TSHZ2: variants seen among roughly 807,000 people sequenced by gnomAD.
TSHZ2 encodes teashirt homolog 2.
A neutral mutation model predicts 74.4 loss-of-function variants in TSHZ2; 21 were observed. That is an observed-to-expected ratio of 0.28 (90% confidence interval 0.20 to 0.41). The LOEUF is 0.41. TSHZ2 is among the 10% of genes least tolerant of loss of function. TSHZ2 has a pLI of 1.00. For missense variants in TSHZ2, 1,244 were observed against 1,293.5 expected (o/e 0.96, Z 0.59); for synonymous variants, 540 against 515.3 (o/e 1.05, Z -0.65).
At chr20:53,426,459 TTC>T (rs1233016519) in intron 2 of TSHZ2, among the ~76,000 whole-genome samples, 3 of 152,238 alleles carry the variant, frequency 2.0e-5, no homozygotes, top group African/African-American at 7.2e-5. Context: ...CTTCCTCTTC[TTC>T]TTTTTTTAAG....
intron 1 of TSHZ2, among the ~76,000 whole-genome samples, chr20:53,232,263 G>C (rs1021126608): frequency 2.0e-5 from 3 of 152,120 alleles, no homozygotes; most frequent in Non-Finnish European, 2.9e-5. Flanking sequence ...CAGAGCATTG[G>C]AATTCTCCAT....
chr20:53,116,247 T>C (rs1986662184), intron 1 of TSHZ2, among the ~76,000 whole-genome samples: 1 of 151,718 alleles, frequency 6.6e-6, no homozygotes, highest in Non-Finnish European at 1.5e-5. Context: ...GAAAAAGGAA[T>C]GCACATTTAA....
intron 1 of TSHZ2, among the ~76,000 whole-genome samples, chr20:53,246,918 G>A (rs1990220295): frequency 6.6e-6 from 1 of 152,190 alleles, no homozygotes; most frequent in Non-Finnish European, 1.5e-5. Flanking sequence ...TACATGTAAA[G>A]CATTCCAATT....
At chr20:53,114,353 C>A (rs1986613753) in intron 1 of TSHZ2, among the ~76,000 whole-genome samples, 1 of 152,138 alleles carries the variant, frequency 6.6e-6, no homozygotes, top group Non-Finnish European at 1.5e-5. Flanking sequence ...GCCTAACTAG[C>A]TGCTGAATCT....
intron 1 of TSHZ2, among the ~76,000 whole-genome samples, chr20:53,085,034 G>C (rs1254596373): frequency 1.3e-5 from 2 of 152,024 alleles, no homozygotes; most frequent in Non-Finnish European, 2.9e-5. Context: ...GAAGAATTTA[G>C]TCCTGTGCTA....
intron 1 of TSHZ2, among the ~76,000 whole-genome samples, chr20:52,996,305 G>GTTTT (rs1223180904): frequency 2.2e-4 from 30 of 135,458 alleles, no homozygotes; most frequent in East Asian, 4.6e-4. Flanking sequence ...TTCCTTTCAG[G>GTTTT]TTTTTATTTA....
intron 2 of TSHZ2, among the ~76,000 whole-genome samples, chr20:53,416,572 T>C (rs1983261560): frequency 1.3e-5 from 2 of 152,186 alleles, no homozygotes; most frequent in Non-Finnish European, 2.9e-5. Context: ...ACACCCATCG[T>C]TTACATATTG....
At chr20:53,402,357 A>G (rs949460491) in intron 2 of TSHZ2, among the ~76,000 whole-genome samples, 2 of 152,206 alleles carry the variant, frequency 1.3e-5, no homozygotes, top group African/African-American at 4.8e-5. Flanking sequence ...TAGATACACA[A>G]ATACTCACCA....
Position 53,207,851 on chromosome 20 carries a change from T to A in TSHZ2, c.41-45648T>A, listed in dbSNP as rs112077144. Among the ~76,000 whole-genome samples the A allele has an allele frequency of 8.6e-3, 1,244 of 144,456 alleles. 22 individuals carry two copies. The highest frequency in any genetic ancestry group is 0.031 in the African/African-American group (1,202 of 38,514). 94.8% of individuals were successfully genotyped at this position (144,456 alleles called of 152,430 possible). ...CATGCACCATCGTGCCCAGATACAT[T>A]GTTTTACTTTTTTTTTTTTTTTTTT... On this transcript the variant is annotated intron_variant, in intron 1 of 2. Transcript: ENST00000371497.
chr20:53,033,281 T>G (rs537994982), intron 1 of TSHZ2, among the ~76,000 whole-genome samples: 1 of 152,362 alleles, frequency 6.6e-6, no homozygotes, highest in South Asian at 2.1e-4. Context: ...GCAGGTGGCT[T>G]GCTACATCAT....
At chr20:53,142,266 C>T (rs1342697017) in intron 1 of TSHZ2, among the ~76,000 whole-genome samples, 3 of 152,182 alleles carry the variant, frequency 2.0e-5, no homozygotes, top group African/African-American at 4.8e-5. Flanking sequence ...GTCCTCCTTC[C>T]TCTGTATTAG....
intron 1 of TSHZ2, among the ~76,000 whole-genome samples, chr20:53,223,136 GA>G (rs1989602942): frequency 7.0e-6 from 1 of 142,836 alleles, no homozygotes; most frequent in African/African-American, 2.6e-5. Flanking sequence ...CTGACCTAGA[GA>G]TTTTTTTTTT....
chr20:53,341,659 T>C (rs1600819707), intron 2 of TSHZ2, among the ~76,000 whole-genome samples: 1 of 152,108 alleles, frequency 6.6e-6, no homozygotes, highest in East Asian at 1.9e-4. Context: ...TATGCTTCAT[T>C]TCTTAGAACA....
intron 1 of TSHZ2, among the ~76,000 whole-genome samples, chr20:53,052,573 C>T (rs999773170): frequency 3.3e-5 from 5 of 152,186 alleles, no homozygotes; most frequent in Admixed American, 3.3e-4. Flanking sequence ...GGTTAGGGTA[C>T]TGCTGACTTA....
chr20:53,280,823 G>T (rs955010126), intron 2 of TSHZ2, among the ~76,000 whole-genome samples: 3 of 152,048 alleles, frequency 2.0e-5, no homozygotes, highest in African/African-American at 7.3e-5. Flanking sequence ...CTCCCGAGTA[G>T]CTGGGACTAG....
chr20:53,168,129 G>A (rs1484329786), intron 1 of TSHZ2, among the ~76,000 whole-genome samples: 1 of 152,150 alleles, frequency 6.6e-6, no homozygotes, highest in South Asian at 2.1e-4. Context: ...CTCAGTCCCC[G>A]AGATCAAGTG....
At chr20:53,214,583 C>G (rs553381668) in intron 1 of TSHZ2, among the ~76,000 whole-genome samples, 1 of 152,158 alleles carries the variant, frequency 6.6e-6, no homozygotes, top group African/African-American at 2.4e-5. Flanking sequence ...CATGGTGGCA[C>G]GTGCCTTTAA....
chr20:53,087,293 A>G, intron 1 of TSHZ2, among the ~76,000 whole-genome samples: 1 of 152,224 alleles, frequency 6.6e-6, no homozygotes, highest in East Asian at 1.9e-4. Flanking sequence ...CAAAGGCCAA[A>G]TCTTCACGTT....
At chr20:53,142,875 T>C (rs914132478) in intron 1 of TSHZ2, among the ~76,000 whole-genome samples, 1 of 152,062 alleles carries the variant, frequency 6.6e-6, no homozygotes, top group African/African-American at 2.4e-5. Flanking sequence ...GCCCATTGCA[T>C]GTAAGACGAT....
Sources: allele counts gnomAD v4.1 joint callset (sites outside exome capture counted in the v4.1 genomes callset), GRCh38; gene constraint gnomAD v4.1.1; transcripts MANE v1.5; gene names NCBI Gene and HGNC (gene_info 2026-07-23, HGNC 2026-07-21).